The following ACOT1 variants were observed in gnomAD, a reference collection of about 807,000 sequenced individuals.
ACOT1 encodes acyl-CoA thioesterase 1, also known as acyl-coenzyme A thioesterase 1.
Under a neutral mutation model 15.7 loss-of-function variants are expected in ACOT1, and 8 were observed. The ratio of observed to expected loss-of-function variants is 0.51; its 90% CI spans 0.30 to 0.92. The LOEUF is 0.92. ACOT1 is among the 40% of genes least tolerant of loss of function. The pLI is 0.06. For missense variants in ACOT1, 151 were observed against 539.4 expected (o/e 0.28, Z 7.13); for synonymous variants, 67 against 241.2 (o/e 0.28, Z 6.69).
chr14:73,519,171 C>T, the ACOT1 span: 1 of 1,609,452 alleles, frequency 6.2e-7, no homozygotes, highest in Non-Finnish European at 8.5e-7. Flanking sequence ...CATCTGTGAA[C>T]AGACAAAGAA....
the ACOT1 span, chr14:73,500,713 C>T: frequency 6.2e-7 from 1 of 1,613,952 alleles, no homozygotes; most frequent in Non-Finnish European, 8.5e-7. Flanking sequence ...CTGGGAATTT[C>T]CTTGACCTAG....
chr14:73,497,365 T>C, the ACOT1 span, among the ~76,000 whole-genome samples: 1 of 152,094 alleles, frequency 6.6e-6, no homozygotes, highest in Non-Finnish European at 1.5e-5. Flanking sequence ...AAGGTGCCAA[T>C]AGGTACCATT....
the ACOT1 span, chr14:73,514,252 G>A: frequency 2.5e-6 from 4 of 1,609,774 alleles, no homozygotes; most frequent in Non-Finnish European, 3.4e-6. Context: ...ACGTGGCAGT[G>A]TGAGGTCTTT....
chr14:73,509,311 C>A, the ACOT1 span: 1 of 1,613,918 alleles, frequency 6.2e-7, no homozygotes, highest in East Asian at 2.2e-5. Flanking sequence ...GAGTTACTCA[C>A]CCTTCAGAAG....
chr14:73,505,531 G>A, the ACOT1 span, among the ~76,000 whole-genome samples: 3 of 152,020 alleles, frequency 2.0e-5, no homozygotes, highest in Admixed American at 2.0e-4. Context: ...CAAGTAGCTA[G>A]GATTACAGGT....
chr14:73,491,390 G>A, the ACOT1 span: 1 of 1,348,536 alleles, frequency 7.4e-7, no homozygotes. Flanking sequence ...CCTGGTGCCC[G>A]CTTCCGCGCC....
chr14:73,515,359 A>G, the ACOT1 span, among the ~76,000 whole-genome samples: 1 of 152,172 alleles, frequency 6.6e-6, no homozygotes, highest in African/African-American at 2.4e-5. Context: ...CAAGGAAGAC[A>G]TAACATTTCT....
At chr14:73,527,359 G>A in the ACOT1 span, 1 of 151,706 alleles carries the variant, frequency 6.6e-6, no homozygotes, top group African/African-American at 2.4e-5. Context: ...GACCTTTCCA[G>A]ACAGGGAATT....
At chr14:73,495,464 T>C in the ACOT1 span, 538 of 1,240,010 alleles carry the variant, frequency 4.3e-4, 2 homozygotes, top group African/African-American at 7.0e-3. Context: ...AAAACATTAA[T>C]AAAGTGATTG....
chr14:73,525,840 CT>C, the ACOT1 span, among the ~76,000 whole-genome samples: 1 of 151,896 alleles, frequency 6.6e-6, no homozygotes, highest in East Asian at 1.9e-4. Flanking sequence ...ATAATCCCAG[CT>C]ACTTGGGAGG....
At chr14:73,516,654 G>A in the ACOT1 span, among the ~76,000 whole-genome samples, 4 of 152,236 alleles carry the variant, frequency 2.6e-5, no homozygotes, top group East Asian at 1.9e-4. Flanking sequence ...CCAGGCCATG[G>A]GCCTGTACCA....
chr14:73,499,208 C>T, the ACOT1 span: 79 of 1,337,640 alleles, frequency 5.9e-5, no homozygotes, highest in South Asian at 6.3e-4. Flanking sequence ...CAGCTGGGTG[C>T]GGTGGTGCAC....
chr14:73,523,292 C>A, the ACOT1 span: 1 of 748,136 alleles, frequency 1.3e-6, no homozygotes, highest in South Asian at 2.2e-5. Flanking sequence ...CATAGCAGTT[C>A]AGAAAGAGAA....
chr14:73,522,143 G>A, the ACOT1 span: 6 of 953,018 alleles, frequency 6.3e-6, no homozygotes, highest in Non-Finnish European at 9.6e-6. Context: ...TCAGAGAGCA[G>A]GCCGGTGGTG....
the ACOT1 span, among the ~76,000 whole-genome samples, chr14:73,505,398 T>C: frequency 6.6e-6 from 1 of 151,264 alleles, no homozygotes; most frequent in Non-Finnish European, 1.5e-5. Context: ...GTTTTGTTTT[T>C]TTTTGTTTTG....
chr14:73,509,572 G>C, the ACOT1 span: 1 of 1,170,044 alleles, frequency 8.5e-7, no homozygotes, highest in Non-Finnish European at 1.3e-6. Flanking sequence ...CTCAGTCCCA[G>C]CTGCAGTTGC....
the ACOT1 span, chr14:73,514,059 C>T: frequency 6.2e-7 from 1 of 1,614,224 alleles, no homozygotes; most frequent in African/African-American, 1.3e-5. Flanking sequence ...TCCATTCCTT[C>T]AGCATCCTCC....
chr14:73,495,486 G>A, the ACOT1 span: 1 of 989,186 alleles, frequency 1.0e-6, no homozygotes, highest in Non-Finnish European at 1.5e-6. Flanking sequence ...AGGAGGCTGA[G>A]GAGGGAGGAT....
At chr14:73,504,444 G>T in the ACOT1 span, among the ~76,000 whole-genome samples, 1 of 151,914 alleles carries the variant, frequency 6.6e-6, no homozygotes, top group Non-Finnish European at 1.5e-5. Flanking sequence ...GGGTTTCACC[G>T]TGTTAGCCAG....
Sources: allele counts gnomAD v4.1 joint callset (sites outside exome capture counted in the v4.1 genomes callset), GRCh38; gene constraint gnomAD v4.1.1; transcripts MANE v1.5; gene names NCBI Gene and HGNC (gene_info 2026-07-23, HGNC 2026-07-21).